Variants in COL24A1 observed in about 807,000 individuals in gnomAD.
The protein encoded by COL24A1 is collagen alpha-1(XXIV) chain.
Under a neutral mutation model 253.9 loss-of-function variants are expected in COL24A1, and 224 were observed. That is an observed-to-expected ratio of 0.88 (90% CI 0.79 to 0.99). The LOEUF (loss-of-function observed/expected upper bound fraction) is 0.99. Among genes scored for constraint, COL24A1 ranks in the 50% least tolerant of loss-of-function variants. The probability of loss-of-function intolerance (pLI) is 0.00; values close to 1 mark genes in which losing one functional copy is unlikely to be tolerated. For synonymous variants in COL24A1, 685 were observed against 673.7 expected (o/e 1.02, Z -0.26); for missense variants, 2,131 against 2,068.5 (o/e 1.03, Z -0.59).
At chr1:85,831,662 G>A (rs981702838) in intron 43 of COL24A1, among the ~76,000 whole-genome samples, 4 of 152,050 alleles carry the variant, frequency 2.6e-5, no homozygotes, top group Non-Finnish European at 5.9e-5. Context: ...ATGGCCAAAG[G>A]AACTTACAGA....
At chr1:86,139,180 G>GT (rs970610917) in intron 2 of COL24A1, among the ~76,000 whole-genome samples, 11 of 2,994 alleles carry the variant, frequency 3.7e-3, no homozygotes, top group South Asian at 0.25. Flanking sequence ...GAAGGAGAAA[G>GT]GGGGGGGAGA....
chr1:85,731,159 G>A (rs1017688798), intron 59 of COL24A1, among the ~76,000 whole-genome samples: 1 of 152,118 alleles, frequency 6.6e-6, no homozygotes, highest in African/African-American at 2.4e-5. Context: ...TTATAATTAT[G>A]TGCAATCATC....
intron 57 of COL24A1, among the ~76,000 whole-genome samples, chr1:85,742,315 G>A (rs888461567): frequency 3.3e-5 from 5 of 151,642 alleles, no homozygotes; most frequent in African/African-American, 1.2e-4. Context: ...TGTATTTTTA[G>A]TAGAGATGGG....
At chr1:86,100,566 T>A (rs1704357584) in intron 5 of COL24A1, among the ~76,000 whole-genome samples, 1 of 152,150 alleles carries the variant, frequency 6.6e-6, no homozygotes. Context: ...TTGTTAGTCA[T>A]AACAAGCCCC....
At chr1:86,053,216 T>C (rs1227891167) in intron 10 of COL24A1, among the ~76,000 whole-genome samples, 2 of 152,072 alleles carry the variant, frequency 1.3e-5, no homozygotes, top group Admixed American at 6.6e-5. Context: ...TTTGTTTTAA[T>C]ATATACAACA....
intron 20 of COL24A1, among the ~76,000 whole-genome samples, chr1:85,985,548 G>C (rs1420483289): frequency 2.6e-5 from 4 of 151,816 alleles, no homozygotes; most frequent in Admixed American, 2.0e-4. Context: ...TCCATCTGCA[G>C]CTGGAAGGTA....
At chr1:85,806,714 T>C (rs968833438) in intron 47 of COL24A1, among the ~76,000 whole-genome samples, 4 of 152,238 alleles carry the variant, frequency 2.6e-5, no homozygotes, top group African/African-American at 9.6e-5. Context: ...GGACTGCTGA[T>C]ATTGACTCAT....
At chr1:86,151,310 T>A (rs1652747989) in intron 1 of COL24A1, among the ~76,000 whole-genome samples, 1 of 152,146 alleles carries the variant, frequency 6.6e-6, no homozygotes, top group African/African-American at 2.4e-5. Flanking sequence ...AACATGTTTG[T>A]TTTCATTCAC....
At chr1:86,052,986 G>A (rs6669946) in intron 10 of COL24A1, among the ~76,000 whole-genome samples, 101 of 152,098 alleles carry the variant, frequency 6.6e-4, no homozygotes, top group African/African-American at 2.3e-3. Context: ...AAAGAAAAGA[G>A]GGAGAGAGAG....
Position 86,115,269 on chromosome 1 carries a change from A to G in COL24A1, c.1545+56T>C, listed in dbSNP as rs1317798177. 8.3e-6 allele frequency: 13 copies of G among 1,564,640 alleles called. No individual in the cohort carries two copies. In the Admixed American group the frequency reaches 2.0e-4, roughly 24 times the overall value. ...CATACTGTACAATACTAGAAAAAACATGTTAGAAAGTTACAAATTCTCACT... is the reference window on the plus strand; with the variant it reads ...CATACTGTACAATACTAGAAAAAACGTGTTAGAAAGTTACAAATTCTCACT... On this transcript the variant is annotated intron_variant, in intron 4 of 59. Coordinates refer to ENST00000370571, the MANE Select transcript of COL24A1 (RefSeq NM_152890.7).
intron 47 of COL24A1, among the ~76,000 whole-genome samples, chr1:85,798,261 AAGTT>A (rs1671035540): frequency 6.6e-6 from 1 of 151,950 alleles, no homozygotes; most frequent in African/African-American, 2.4e-5. Context: ...TCAACTAAGA[AAGTT>A]AAATCCTTTA....
chr1:86,101,701 A>G (rs1704469881), intron 5 of COL24A1, among the ~76,000 whole-genome samples: 1 of 152,224 alleles, frequency 6.6e-6, no homozygotes, highest in South Asian at 2.1e-4. Flanking sequence ...TGATTTGCAT[A>G]TGTTGAAACA....
intron 47 of COL24A1, among the ~76,000 whole-genome samples, chr1:85,812,936 T>C (rs1672690790): frequency 6.6e-6 from 1 of 152,184 alleles, no homozygotes; most frequent in Non-Finnish European, 1.5e-5. Flanking sequence ...CAATGCTCCC[T>C]GGGAGATAAG....
intron 46 of COL24A1, among the ~76,000 whole-genome samples, chr1:85,817,664 C>T (rs1308737108): frequency 6.6e-6 from 1 of 152,080 alleles, no homozygotes; most frequent in East Asian, 1.9e-4. Context: ...GCTGAGTCCT[C>T]TAAAATCTAG....
At chr1:86,093,567 T>C (rs1282602680) in intron 5 of COL24A1, among the ~76,000 whole-genome samples, 2 of 151,938 alleles carry the variant, frequency 1.3e-5, no homozygotes, top group East Asian at 1.9e-4. Context: ...TATGATTTAG[T>C]ACATAGGCAC....
At chr1:86,137,050 C>T (rs1200720883) in intron 2 of COL24A1, among the ~76,000 whole-genome samples, 1 of 152,064 alleles carries the variant, frequency 6.6e-6, no homozygotes, top group East Asian at 1.9e-4. Flanking sequence ...AGAGGTCAGA[C>T]TCTTTAACAT....
intron 10 of COL24A1, among the ~76,000 whole-genome samples, chr1:86,050,552 T>C (rs1258167113): frequency 6.6e-6 from 1 of 152,038 alleles, no homozygotes; most frequent in Non-Finnish European, 1.5e-5. Flanking sequence ...TACATTTCAA[T>C]GTGGCAGGAG....
At chr1:86,091,335 TGTAGA>T (rs1703477254) in intron 6 of COL24A1, among the ~76,000 whole-genome samples, 5 of 152,150 alleles carry the variant, frequency 3.3e-5, no homozygotes, top group Admixed American at 6.5e-5. Flanking sequence ...ATATAGTATC[TGTAGA>T]GTAATTATGT....
At chr1:85,783,439 GC>G in intron 51 of COL24A1, 56 bp downstream of exon 51, 1 of 1,418,878 alleles carries the variant, frequency 7.0e-7, no homozygotes, top group Non-Finnish European at 9.9e-7. Flanking sequence ...GAGCTCTTAA[GC>G]CCTGCAGTAA....
Sources: allele counts gnomAD v4.1 joint callset (sites outside exome capture counted in the v4.1 genomes callset), GRCh38; gene constraint gnomAD v4.1.1; transcripts MANE v1.5; gene names NCBI Gene and HGNC (gene_info 2026-07-23, HGNC 2026-07-21).